Variants in SLC9A9 observed in about 807,000 individuals in gnomAD.
SLC9A9 encodes the protein solute carrier family 9 member A9.
A neutral mutation model predicts 77.8 loss-of-function variants in SLC9A9; 62 were observed. The observed-to-expected ratio is 0.80, with a 90% CI of 0.65 to 0.98. SLC9A9 has a LOEUF of 0.98. SLC9A9 is among the 50% of genes least tolerant of loss of function. The pLI is 0.00. For missense variants in SLC9A9, 775 were observed against 774.9 expected (o/e 1.00, Z 0.00); for synonymous variants, 320 against 283.5 (o/e 1.13, Z -1.29).
chr3:143,598,080 G>A (rs1454225347), intron 6 of SLC9A9, among the ~76,000 whole-genome samples: 1 of 151,960 alleles, frequency 6.6e-6, no homozygotes, highest in Admixed American at 6.6e-5. Flanking sequence ...CTGGTAAATT[G>A]CTTTTGAACA....
chr3:143,459,471 G>A (rs1420099391), intron 12 of SLC9A9, among the ~76,000 whole-genome samples: 2 of 152,092 alleles, frequency 1.3e-5, no homozygotes, highest in Non-Finnish European at 2.9e-5. Flanking sequence ...TCTGTTGCTG[G>A]TTGTTCCAAT....
chr3:143,626,811 C>T (rs1032585595), intron 6 of SLC9A9: 1 of 151,668 alleles, frequency 6.6e-6, no homozygotes, highest in Non-Finnish European at 1.5e-5. Context: ...GGAAAACTTA[C>T]TATCCCATGA....
chr3:143,764,947 T>C (rs2007252303), intron 4 of SLC9A9, among the ~76,000 whole-genome samples: 1 of 151,002 alleles, frequency 6.6e-6, no homozygotes, highest in South Asian at 2.1e-4. Context: ...TCTTTCTTCC[T>C]TCCTTCCTTT....
chr3:143,523,273 G>A (rs1249314510), intron 9 of SLC9A9, among the ~76,000 whole-genome samples: 3 of 152,060 alleles, frequency 2.0e-5, no homozygotes, highest in Admixed American at 6.5e-5. Flanking sequence ...CAAAGTGTAT[G>A]ATTTTATAAG....
chr3:143,593,586 G>A (rs1263518724), intron 6 of SLC9A9, among the ~76,000 whole-genome samples: 2 of 152,228 alleles, frequency 1.3e-5, no homozygotes, highest in African/African-American at 4.8e-5. Flanking sequence ...CCAGTGATAG[G>A]AGAGGAGAGT....
At chr3:143,766,707 C>G (rs768498653) in intron 4 of SLC9A9, among the ~76,000 whole-genome samples, 1 of 152,112 alleles carries the variant, frequency 6.6e-6, no homozygotes, top group Non-Finnish European at 1.5e-5. Flanking sequence ...ATAGTTGGAA[C>G]TACAGGTGCC....
chr3:143,418,074 T>C (rs2034230037), intron 12 of SLC9A9, among the ~76,000 whole-genome samples: 1 of 151,044 alleles, frequency 6.6e-6, no homozygotes, highest in African/African-American at 2.4e-5. Context: ...ATGTCAAAAG[T>C]TGGCATACAA....
chr3:143,532,678 A>G (rs1253734104), intron 9 of SLC9A9, among the ~76,000 whole-genome samples: 1 of 152,206 alleles, frequency 6.6e-6, no homozygotes, highest in African/African-American at 2.4e-5. Flanking sequence ...TTCAAACGGT[A>G]AAATGTAGCC....
intron 12 of SLC9A9, among the ~76,000 whole-genome samples, chr3:143,393,423 C>A (rs575253008): frequency 6.6e-6 from 1 of 152,106 alleles, no homozygotes; most frequent in Non-Finnish European, 1.5e-5. Context: ...ACACAACATA[C>A]CAGAATCTCT....
rs1209391275 is a variant in SLC9A9 at position 143,486,321 on chromosome 3, G to C, written c.1315+7332C>G. On this transcript the variant is annotated intron_variant, in intron 11 of 15. Transcript: ENST00000316549. ...GAAATCCCTCAAGAGAGTCCTGCAG[G>C]GTGAAATGAAATAATACTAAGTAGT... Among the ~76,000 whole-genome samples, 3 of 151,888 alleles carry C rather than the reference G, an allele frequency of 2.0e-5. No individual in the cohort carries two copies. The South Asian group carries it at 6.2e-4, about 32-fold the overall frequency.
intron 9 of SLC9A9, among the ~76,000 whole-genome samples, 177 bp from the exon 10 acceptor site, chr3:143,495,625 G>C (rs572255630): frequency 5.9e-5 from 9 of 152,294 alleles, no homozygotes; most frequent in African/African-American, 2.2e-4. Context: ...CCCAGGGACA[G>C]ATGCCACAGC....
chr3:143,617,849 A>G (rs2038131821), intron 6 of SLC9A9, among the ~76,000 whole-genome samples: 1 of 152,210 alleles, frequency 6.6e-6, no homozygotes, highest in African/African-American at 2.4e-5. Flanking sequence ...ATTATTTGTT[A>G]AGAACTTTCA....
intron 6 of SLC9A9, among the ~76,000 whole-genome samples, chr3:143,594,177 C>T (rs148104194): frequency 2.6e-5 from 4 of 152,214 alleles, no homozygotes; most frequent in South Asian, 2.1e-4. Flanking sequence ...AGTACGCTAG[C>T]AAGATATAAA....
chr3:143,404,891 T>A (rs1356976670), intron 12 of SLC9A9, among the ~76,000 whole-genome samples: 2 of 152,260 alleles, frequency 1.3e-5, no homozygotes, highest in Admixed American at 6.5e-5. Flanking sequence ...CTAAAAGATG[T>A]CCCTGGATCA....
intron 4 of SLC9A9, among the ~76,000 whole-genome samples, chr3:143,741,749 C>T (rs759371675): frequency 6.6e-6 from 1 of 152,062 alleles, no homozygotes; most frequent in Non-Finnish European, 1.5e-5. Flanking sequence ...CACTTTACGT[C>T]GGTGATCTTC....
chr3:143,685,994 C>T (rs1446019870), intron 5 of SLC9A9, among the ~76,000 whole-genome samples: 1 of 152,152 alleles, frequency 6.6e-6, no homozygotes, highest in African/African-American at 2.4e-5. Context: ...AGCCACTCAG[C>T]TATGTACTAG....
chr3:143,677,562 G>T (rs531316276), intron 5 of SLC9A9, among the ~76,000 whole-genome samples: 1 of 152,124 alleles, frequency 6.6e-6, no homozygotes, highest in Admixed American at 6.5e-5. Flanking sequence ...ATATTTTAAG[G>T]TATAATAGCT....
intron 14 of SLC9A9, among the ~76,000 whole-genome samples, chr3:143,270,050 A>G (rs1470437901): frequency 6.6e-6 from 1 of 152,226 alleles, no homozygotes; most frequent in African/African-American, 2.4e-5. Flanking sequence ...TCACCAAAGC[A>G]GGCCATGCAC....
intron 14 of SLC9A9, among the ~76,000 whole-genome samples, chr3:143,294,004 T>A (rs2030133572): frequency 6.6e-6 from 1 of 152,186 alleles, no homozygotes. Flanking sequence ...AATAAATTCA[T>A]GTAAAATTTT....
Sources: gnomAD v4.1 joint callset for allele counts (sites outside exome capture counted in the v4.1 genomes callset) on GRCh38, gnomAD v4.1.1 for gene constraint, MANE v1.5 for transcripts, NCBI Gene and HGNC (gene_info 2026-07-23, HGNC 2026-07-21) for gene names.